Variants in OXR1 observed in about 807,000 individuals in gnomAD.
OXR1 encodes oxidation resistance 1.
A neutral mutation model predicts 104.6 loss-of-function variants in OXR1; 41 were observed. The ratio of observed to expected loss-of-function variants is 0.39; its 90% CI spans 0.31 to 0.51. The LOEUF (loss-of-function observed/expected upper bound fraction) is 0.51, where lower values mean the gene tolerates loss of function less well. OXR1 is among the 20% of genes least tolerant of loss of function. The probability of loss-of-function intolerance (pLI) is 0.77; values close to 1 mark genes in which losing one functional copy is unlikely to be tolerated. For missense variants in OXR1, 955 were observed against 1,031.9 expected (o/e 0.93, Z 1.02); for synonymous variants, 348 against 348.4 (o/e 1.00, Z 0.01).
chr8:106,476,207 G>A (rs1317591168), intron 2 of OXR1, among the ~76,000 whole-genome samples: 2 of 151,850 alleles, frequency 1.3e-5, no homozygotes, highest in African/African-American at 4.8e-5. Flanking sequence ...GAGATGTTGT[G>A]TTTGGGAGCA....
chr8:106,314,112 G>C (rs1813827297), intron 1 of OXR1, among the ~76,000 whole-genome samples: 1 of 152,142 alleles, frequency 6.6e-6, no homozygotes, highest in South Asian at 2.1e-4. Context: ...GGTCACCAGA[G>C]AGCACATACG....
intron 1 of OXR1, among the ~76,000 whole-genome samples, chr8:106,316,694 T>C (rs1001475310): frequency 1.9e-4 from 19 of 102,636 alleles, no homozygotes; most frequent in Middle Eastern, 5.1e-3. Flanking sequence ...TCTTTTTTTC[T>C]ATCTATCTAT....
intron 3 of OXR1, among the ~76,000 whole-genome samples, chr8:106,603,130 T>C (rs1174109012): frequency 6.6e-6 from 1 of 152,216 alleles, no homozygotes; most frequent in Non-Finnish European, 1.5e-5. Flanking sequence ...CTTCAGTGTT[T>C]TGTACTATTT....
At chr8:106,356,784 G>A (rs753835380) in intron 1 of OXR1, among the ~76,000 whole-genome samples, 37 of 152,018 alleles carry the variant, frequency 2.4e-4, no homozygotes, top group Non-Finnish European at 4.1e-4. Flanking sequence ...CTAAAGAAAT[G>A]TCACAGGTTT....
chr8:106,745,347 A>G (rs1308562063), intron 15 of OXR1, among the ~76,000 whole-genome samples: 1 of 152,218 alleles, frequency 6.6e-6, no homozygotes, highest in Non-Finnish European at 1.5e-5. Flanking sequence ...AAGAACTGTG[A>G]TCAGTAAATA....
chr8:106,428,681 G>A (rs899450631), intron 2 of OXR1, among the ~76,000 whole-genome samples: 3 of 151,308 alleles, frequency 2.0e-5, no homozygotes, highest in African/African-American at 7.3e-5. Context: ...AGACTGTTTA[G>A]CACATAGAAT....
chr8:106,579,319 C>G (rs1288734402), intron 3 of OXR1, among the ~76,000 whole-genome samples: 1 of 152,136 alleles, frequency 6.6e-6, no homozygotes, highest in Admixed American at 6.6e-5. Context: ...CCTGATTTGC[C>G]TCAAACTTCT....
intron 3 of OXR1, among the ~76,000 whole-genome samples, chr8:106,559,642 A>G (rs888461421): frequency 6.6e-6 from 1 of 152,232 alleles, no homozygotes; most frequent in Non-Finnish European, 1.5e-5. Flanking sequence ...GTCCAAGATC[A>G]TAGCACCAGC....
chr8:106,393,631 G>A (rs1817665944), intron 2 of OXR1, among the ~76,000 whole-genome samples: 1 of 151,826 alleles, frequency 6.6e-6, no homozygotes, highest in Admixed American at 6.6e-5. Flanking sequence ...CTTCTTGATG[G>A]TTTTTGTGAG....
intron 8 of OXR1, among the ~76,000 whole-genome samples, chr8:106,704,364 T>C (rs1830902595): frequency 6.6e-6 from 1 of 150,450 alleles, no homozygotes; most frequent in Non-Finnish European, 1.5e-5. Context: ...CCTCCTTTTC[T>C]TTCTTTTTCT....
chr8:106,375,871 T>C (rs1167002055), intron 2 of OXR1, among the ~76,000 whole-genome samples: 1 of 152,224 alleles, frequency 6.6e-6, no homozygotes, highest in East Asian at 1.9e-4. Context: ...TAAAGACATG[T>C]GGTGCCTTAG....
At chr8:106,644,506 G>A (rs1308338859) in intron 3 of OXR1, among the ~76,000 whole-genome samples, 1 of 152,112 alleles carries the variant, frequency 6.6e-6, no homozygotes, top group Admixed American at 6.5e-5. Flanking sequence ...ATCCAATTTT[G>A]GGTTGTATTG....
chr8:106,576,734 G>C (rs540909618), intron 3 of OXR1, among the ~76,000 whole-genome samples: 3 of 152,198 alleles, frequency 2.0e-5, no homozygotes, highest in African/African-American at 7.2e-5. Context: ...TAGTGACTAT[G>C]ATGGCATTAG....
At chr8:106,570,270 G>A (rs1158731752) in intron 3 of OXR1, among the ~76,000 whole-genome samples, 1 of 152,120 alleles carries the variant, frequency 6.6e-6, no homozygotes, top group Admixed American at 6.6e-5. Flanking sequence ...CATAGTCCTG[G>A]AAGTCCAGGA....
At chr8:106,536,227 AAAGAAAG>A (rs1176463054) in intron 3 of OXR1, among the ~76,000 whole-genome samples, 3 of 21,828 alleles carry the variant, frequency 1.4e-4, no homozygotes, top group African/African-American at 1.3e-4. Context: ...CTCAAAAAAA[AAAGAAAG>A]AAAGAAAGAA....
chr8:106,388,525 C>T (rs540245534), intron 2 of OXR1, among the ~76,000 whole-genome samples: 4 of 151,918 alleles, frequency 2.6e-5, no homozygotes, highest in Non-Finnish European at 5.9e-5. Context: ...CTGGTTCAAG[C>T]GATTCTCCTG....
At chr8:106,275,397 A>G (rs541929637) in intron 1 of OXR1, among the ~76,000 whole-genome samples, 7 of 152,166 alleles carry the variant, frequency 4.6e-5, no homozygotes, top group Non-Finnish European at 8.8e-5. Context: ...GTAGAAGACA[A>G]TGGGCTGGCT....
At chr8:106,510,980 T>C (rs1331912419) in intron 2 of OXR1, among the ~76,000 whole-genome samples, 1 of 152,224 alleles carries the variant, frequency 6.6e-6, no homozygotes, top group African/African-American at 2.4e-5. Flanking sequence ...CGATTCCACG[T>C]TAATGAGACT....
At chr8:106,272,278 C>T (rs1282102101) in intron 1 of OXR1, 2 of 152,276 alleles carry the variant, frequency 1.3e-5, no homozygotes, top group Non-Finnish European at 2.9e-5. Context: ...GGGTTGTCGG[C>T]TTCTCCATCC....
Sources: allele counts gnomAD v4.1 joint callset (sites outside exome capture counted in the v4.1 genomes callset), GRCh38; gene constraint gnomAD v4.1.1; transcripts MANE v1.5; gene names NCBI Gene and HGNC (gene_info 2026-07-23, HGNC 2026-07-21).